TXLNB: variants seen among roughly 807,000 people sequenced by gnomAD.
The protein encoded by TXLNB is taxilin beta, also known as beta-taxilin.
In TXLNB, 37 loss-of-function variants were observed where a neutral mutation model predicts 57.4. That is an observed-to-expected ratio of 0.64 (90% CI 0.50 to 0.85). TXLNB has a LOEUF of 0.85. Ranked by LOEUF, TXLNB falls within the 40% of genes least tolerant of loss-of-function variation. The pLI, the probability that TXLNB is intolerant of heterozygous loss-of-function variation, is 0.00. For missense variants in TXLNB, 848 were observed against 825.6 expected, an observed-to-expected ratio of 1.03 and a Z score of -0.33; for synonymous variants, 302 against 309.6, an observed-to-expected ratio of 0.98 and a Z score of 0.26.
chr6:139,215,268 CA>C, the TXLNB span, among the ~76,000 whole-genome samples: 4 of 151,826 alleles, frequency 2.6e-5, no homozygotes, highest in Admixed American at 2.6e-4. Flanking sequence ...ATACTGGTAC[CA>C]AAACAGAGAT....
chr6:139,263,472 A>G (rs1378792316), intron 4 of TXLNB, among the ~76,000 whole-genome samples: 7 of 152,224 alleles, frequency 4.6e-5, no homozygotes, highest in Non-Finnish European at 1.0e-4. Flanking sequence ...TTGAATCTGA[A>G]AGCAATATTA....
At chr6:139,162,982 G>T in the TXLNB span, among the ~76,000 whole-genome samples, 4 of 152,252 alleles carry the variant, frequency 2.6e-5, no homozygotes, top group African/African-American at 9.6e-5. Flanking sequence ...GAGTTTCCTG[G>T]AGTCTCCCTG....
At chr6:139,283,390 A>G (rs926502020) in intron 2 of TXLNB, among the ~76,000 whole-genome samples, 2 of 144,402 alleles carry the variant, frequency 1.4e-5, no homozygotes, top group Non-Finnish European at 3.1e-5. Flanking sequence ...CAGCCTGACC[A>G]ACATGGAGAA....
At chr6:139,265,882 T>C (rs1776602679) in intron 4 of TXLNB, among the ~76,000 whole-genome samples, 2 of 152,206 alleles carry the variant, frequency 1.3e-5, no homozygotes, top group African/African-American at 4.8e-5. Flanking sequence ...TACAGAGTTC[T>C]GGACAACTAT....
chr6:139,295,714 CCT>C (rs1249426362), upstream of TXLNB, among the ~76,000 whole-genome samples: 5 of 152,084 alleles, frequency 3.3e-5, no homozygotes, highest in African/African-American at 1.2e-4. Context: ...CCCTTTTTCT[CCT>C]CTCTTCATTT....
At chr6:139,203,199 C>T in the TXLNB span, among the ~76,000 whole-genome samples, 40 of 152,186 alleles carry the variant, frequency 2.6e-4, no homozygotes, top group African/African-American at 9.2e-4. Context: ...GATATCTCTT[C>T]GCTACACATA....
Position 139,244,630 on chromosome 6 carries a change from T to C in TXLNB, c.1231A>G (p.Asn411Asp), listed in dbSNP as rs1435694333. The change falls in exon 9 of 10, where the codon AAC becomes GAC. Residue 411 changes from asparagine to aspartate, a missense_variant. Coordinates refer to ENST00000358430, the MANE Select transcript of TXLNB (RefSeq NM_153235.4). ...ATGTCCAACAGAGCTTTGTTACAGT[T>C]CTCAAATCGGGCTTTCCATGTGGCT... is the stretch of plus-strand genomic sequence containing the variant. Reference protein sequence around the residue: ...DTATWKARFENCNKALLDMIE... With the variant: ...DTATWKARFEDCNKALLDMIE... 6.2e-7 allele frequency: 1 copy of C among 1,614,086 alleles called. No homozygotes were observed. Among genetic ancestry groups the C allele is most frequent in the Non-Finnish European group, 8.5e-7 (1 of 1,179,918 alleles).
At chr6:139,166,599 G>A in the TXLNB span, 3 of 1,614,108 alleles carry the variant, frequency 1.9e-6, no homozygotes, top group African/African-American at 2.7e-5. Flanking sequence ...CAGGTGAAGC[G>A]GATGCAGGAC....
the TXLNB span, among the ~76,000 whole-genome samples, chr6:139,213,432 G>C: frequency 6.6e-6 from 1 of 152,118 alleles, no homozygotes; most frequent in Non-Finnish European, 1.5e-5. Flanking sequence ...AAACCAATGA[G>C]AACAAAGACA....
chr6:139,242,504 G>T lies in TXLNB; in HGVS notation c.*22C>A. 2 of 1,467,426 alleles carry T rather than the reference G, an allele frequency of 1.4e-6. No individual in the cohort carries two copies. The highest frequency in any genetic ancestry group is 1.8e-6 in the Non-Finnish European group (2 of 1,109,714). 90.9% of individuals were successfully genotyped at this position (1,467,426 alleles called of 1,614,324 possible). On this transcript the variant is annotated 3_prime_UTR_variant, in exon 10 of 10. Coordinates refer to ENST00000358430, the MANE Select transcript of TXLNB (RefSeq NM_153235.4). ...TGAATATGCAAAGAGGCAGGAAGAA[G>T]CCTCTGAAGGCACGGTGAGGCTTAG...
the TXLNB span, among the ~76,000 whole-genome samples, chr6:139,312,942 G>A: frequency 1.3e-5 from 2 of 152,006 alleles, no homozygotes; most frequent in Admixed American, 6.5e-5. Flanking sequence ...CTTGCCTCTC[G>A]CACACTATTT....
chr6:139,294,822 T>A (rs964954295), upstream of TXLNB, among the ~76,000 whole-genome samples: 1 of 152,164 alleles, frequency 6.6e-6, no homozygotes, highest in African/African-American at 2.4e-5. Flanking sequence ...AAACTCCATC[T>A]CTACTAAAAT....
chr6:139,194,876 C>T, the TXLNB span, among the ~76,000 whole-genome samples: 3 of 152,228 alleles, frequency 2.0e-5, no homozygotes, highest in Non-Finnish European at 4.4e-5. Flanking sequence ...AGTGAGGTCT[C>T]CCTGCTATTC....
chr6:139,216,039 G>T, the TXLNB span, among the ~76,000 whole-genome samples: 1 of 152,206 alleles, frequency 6.6e-6, no homozygotes, highest in Non-Finnish European at 1.5e-5. Context: ...CTGTAAACTA[G>T]TTCAACCATT....
the TXLNB span, among the ~76,000 whole-genome samples, chr6:139,217,129 G>A: frequency 6.6e-6 from 1 of 152,214 alleles, no homozygotes; most frequent in African/African-American, 2.4e-5. Flanking sequence ...TTTTGTGGAA[G>A]GTTCTGAGAG....
At chr6:139,217,233 T>A in the TXLNB span, among the ~76,000 whole-genome samples, 1 of 152,070 alleles carries the variant, frequency 6.6e-6, no homozygotes, top group African/African-American at 2.4e-5. Context: ...CGCTTACACA[T>A]TTAGTACTTG....
At chr6:139,321,930 C>CCTCT in the TXLNB span, among the ~76,000 whole-genome samples, 3 of 151,862 alleles carry the variant, frequency 2.0e-5, no homozygotes, top group South Asian at 6.3e-4. Flanking sequence ...CTGCGCCCAG[C>CCTCT]CTCTCAGACT....
At chr6:139,163,517 C>G in the TXLNB span, among the ~76,000 whole-genome samples, 1 of 152,040 alleles carries the variant, frequency 6.6e-6, no homozygotes, top group Non-Finnish European at 1.5e-5. Context: ...CTACACCCAG[C>G]TAATTTTTGT....
At chr6:139,273,555 G>A (rs919428567) in intron 3 of TXLNB, among the ~76,000 whole-genome samples, 1 of 152,168 alleles carries the variant, frequency 6.6e-6, no homozygotes, top group Non-Finnish European at 1.5e-5. Context: ...AGCCTCAAAC[G>A]CCTAGCTCCA....
Sources: gnomAD v4.1 joint callset for allele counts (sites outside exome capture counted in the v4.1 genomes callset) on GRCh38, gnomAD v4.1.1 for gene constraint, MANE v1.5 for transcripts, NCBI Gene and HGNC (gene_info 2026-07-23, HGNC 2026-07-21) for gene names.